The following VRK3 variants were observed in gnomAD, a reference collection of about 807,000 sequenced individuals.
VRK3 encodes the protein VRK serine/threonine kinase 3, also known as serine/threonine-protein kinase VRK3.
VRK3 carries 50 observed loss-of-function variants against 60.4 expected under a neutral mutation model. The ratio of observed to expected loss-of-function variants is 0.83; its 90% CI spans 0.66 to 1.05. The LOEUF (loss-of-function observed/expected upper bound fraction) is 1.05. Ranked by LOEUF, VRK3 falls within the 50% of genes least tolerant of loss-of-function variation. The pLI is 0.00. For missense variants in VRK3, 549 were observed against 585.3 expected (o/e 0.94, Z 0.64); for synonymous variants, 246 against 227.8 (o/e 1.08, Z -0.72).
intron 3 of VRK3, among the ~76,000 whole-genome samples, chr19:50,010,683 C>T (rs578243817): frequency 3.3e-5 from 5 of 152,256 alleles, no homozygotes; most frequent in East Asian, 3.9e-4. Flanking sequence ...GAGGCCAGGG[C>T]GGGTGGATCG....
At chr19:50,020,943 T>C (rs2077161708) in intron 1 of VRK3, among the ~76,000 whole-genome samples, 2 of 152,156 alleles carry the variant, frequency 1.3e-5, no homozygotes, top group African/African-American at 4.8e-5. Context: ...GAAAGGGCTA[T>C]GGAGGACAAT....
At chr19:49,977,919 C>T (rs1370162752) in intron 14 of VRK3, among the ~76,000 whole-genome samples, 2 of 152,186 alleles carry the variant, frequency 1.3e-5, no homozygotes, top group African/African-American at 2.4e-5. Context: ...CTCCACGAAT[C>T]GCTTGACACA....
chr19:49,995,322 C>T (rs1257358819), intron 7 of VRK3, 47 bp from the exon 8 acceptor site: 1 of 1,566,960 alleles, frequency 6.4e-7, no homozygotes. Context: ...AGTCCCAAGC[C>T]CATGGCAGTA....
chr19:49,979,220 C>G lies in VRK3; in HGVS notation c.1299G>C (p.Lys433Asn), dbSNP rs759508467. 1.9e-6 allele frequency: 3 copies of G among 1,614,132 alleles called. No homozygotes were observed. The Admixed American group carries it at 5.0e-5, about 27-fold the overall frequency. Residue 433 changes from lysine (K) to asparagine (N), a missense_variant, in exon 14 of 15, where the codon AAG becomes AAC. Physicochemically the swap from Lys to Asn is moderately conservative, Grantham distance 94. Transcript: ENST00000316763. ...RPSETLQKYL[K>N]VVMALTYEEK... ...CCTCATACGTGAGGGCCATCACCACCTTCAGGTACTTCTGCAGGGTCTCTG... is the reference window on the plus strand; with the variant it reads ...CCTCATACGTGAGGGCCATCACCACGTTCAGGTACTTCTGCAGGGTCTCTG...
rs528644253 is a variant in VRK3 at position 50,005,709 on chromosome 19, G to A, written c.547+1860C>T. ...GCAGCCATAAAAGGAGTGCGGCAGT[G>A]ACGCGCCACAGCATGGATGCACCTT... On this transcript the variant is annotated intron_variant, in intron 5 of 14. Coordinates refer to ENST00000316763, the MANE Select transcript of VRK3 (RefSeq NM_016440.4). Among the ~76,000 whole-genome samples, 115 of 149,940 alleles carry A rather than the reference G, an allele frequency of 7.7e-4. 2 individuals are homozygous for A. The highest frequency in any genetic ancestry group is 6.8e-3 in the Middle Eastern group (2 of 294).
intron 2 of VRK3, among the ~76,000 whole-genome samples, chr19:50,016,918 G>A (rs779667622): frequency 1.1e-4 from 16 of 152,144 alleles, no homozygotes; most frequent in Admixed American, 3.9e-4. Context: ...CGCCGGGTGC[G>A]GTGGCTCAAG....
chr19:50,017,248 T>C (rs2077093515), intron 2 of VRK3, among the ~76,000 whole-genome samples: 1 of 151,308 alleles, frequency 6.6e-6, no homozygotes, highest in Non-Finnish European at 1.5e-5. Flanking sequence ...TTTGTTCTTA[T>C]AGTCTCAGGC....
At chr19:49,977,961 T>C (rs2076358866) in intron 14 of VRK3, among the ~76,000 whole-genome samples, 1 of 152,058 alleles carries the variant, frequency 6.6e-6, no homozygotes, top group African/African-American at 2.4e-5. Flanking sequence ...GCCTCAGATG[T>C]AAGGAAACGT....
intron 10 of VRK3, among the ~76,000 whole-genome samples, chr19:49,992,455 T>C (rs2076627789): frequency 2.6e-5 from 4 of 152,356 alleles, no homozygotes; most frequent in South Asian, 2.1e-4. Flanking sequence ...GTGACTGTTA[T>C]TGCCTTCCAA....
In VRK3 at chr19:50,012,876, A is replaced by AAAAAAC. The variant is rs1332293566; in HGVS notation, c.139+3142_139+3147dup. Among the ~76,000 whole-genome samples the AAAAAAC allele has an allele frequency of 5.9e-5, 9 of 151,660 alleles. No homozygotes were observed. In the South Asian group the frequency reaches 1.7e-3, roughly 28 times the overall value. ...GGCGACAGAGCAAGACTCTGTCTTAAAAAAACAAAGGCCGGGCGCAGTGGC... is the reference window on the plus strand; with the variant it reads ...GGCGACAGAGCAAGACTCTGTCTTAAAAAAACAAAAACAAAGGCCGGGCGCAGTGGC... On this transcript the variant is annotated intron_variant, in intron 3 of 14. Transcript: ENST00000316763.
Position 49,984,774 on chromosome 19 carries a change from G to A in VRK3, c.1217+3598C>T, listed in dbSNP as rs148239267. ...AGCCTCCTGAGTAGCTGGGACTACA[G>A]TCGCGTGCCACCACACCCGGCTACT... On this transcript the variant is annotated intron_variant, in intron 12 of 14. Coordinates refer to ENST00000316763, the MANE Select transcript of VRK3 (RefSeq NM_016440.4). Among the ~76,000 whole-genome samples, 216 of 152,192 alleles carry A rather than the reference G, an allele frequency of 1.4e-3. No individual in the cohort carries two copies. The Middle Eastern group carries it at 0.051, about 36-fold the overall frequency.
intron 1 of VRK3, among the ~76,000 whole-genome samples, chr19:50,020,901 T>C (rs1341036313): frequency 6.6e-6 from 1 of 151,928 alleles, no homozygotes; most frequent in Non-Finnish European, 1.5e-5. Context: ...AACAAACAAA[T>C]GAGCAAGGAA....
At chr19:50,017,119 G>C (rs1244539128) in intron 2 of VRK3, among the ~76,000 whole-genome samples, 5 of 152,116 alleles carry the variant, frequency 3.3e-5, no homozygotes, top group Middle Eastern at 3.4e-3. Flanking sequence ...GCTTGAACCC[G>C]GGAGGTGGAG....
At chr19:50,023,686 G>A (rs1368010949) in intron 1 of VRK3, among the ~76,000 whole-genome samples, 2 of 151,946 alleles carry the variant, frequency 1.3e-5, no homozygotes, top group South Asian at 2.1e-4. Context: ...TACGTCTGCT[G>A]AGTGAATAAA....
At chr19:50,001,559 A>ACC (rs1164066944) in intron 5 of VRK3, 4 of 151,678 alleles carry the variant, frequency 2.6e-5, no homozygotes, top group Admixed American at 1.3e-4. Context: ...CCTGCTCCTT[A>ACC]CCCCCTCCTT....
intron 1 of VRK3, among the ~76,000 whole-genome samples, chr19:50,022,233 G>C (rs1439264433): frequency 6.6e-6 from 1 of 152,180 alleles, no homozygotes; most frequent in Non-Finnish European, 1.5e-5. Context: ...CAGCAGGTCA[G>C]AACATTCTTG....
In VRK3 at chr19:50,006,316, A is replaced by G. The variant is rs977581727; in HGVS notation, c.547+1253T>C. Reference sequence around the variant, plus strand: ...CAGAGCAAGACTCTCTCTCAAAAAAATAAAAAATAATAAATAATAATAATA... The same window carrying G: ...CAGAGCAAGACTCTCTCTCAAAAAAGTAAAAAATAATAAATAATAATAATA... On this transcript the variant is annotated intron_variant, in intron 5 of 14. Transcript: ENST00000316763. 4.0e-5 allele frequency among the ~76,000 whole-genome samples: 6 copies of G among 150,442 alleles called. 1 individual carries two copies. Among genetic ancestry groups the G allele is most frequent in the Admixed American group, 2.6e-4 (4 of 15,228 alleles).
At chr19:50,001,891 G>A (rs977820134) in intron 5 of VRK3, among the ~76,000 whole-genome samples, 2 of 152,120 alleles carry the variant, frequency 1.3e-5, no homozygotes, top group South Asian at 2.1e-4. Flanking sequence ...AGGCTGGCAG[G>A]AGTAAGAGCA....
chr19:49,981,648 T>A lies in VRK3; in HGVS notation c.1218-635A>T, dbSNP rs542616851. ...TTGATTCATTAGCATTGAACTCTTT[T>A]AATCTGTGATCCTTAAGACGGAGAG... On this transcript the variant is annotated intron_variant, in intron 12 of 14. Coordinates refer to ENST00000316763, the MANE Select transcript of VRK3 (RefSeq NM_016440.4). 5 of 953,090 alleles carry A rather than the reference T, an allele frequency of 5.2e-6. No individual in the cohort carries two copies. The African/African-American group carries it at 7.1e-5, about 13-fold the overall frequency. The allele number at this position is 953,090 out of a possible 1,614,324, so 59.0% of individuals were successfully genotyped here.
Sources: allele counts gnomAD v4.1 joint callset (sites outside exome capture counted in the v4.1 genomes callset), GRCh38; gene constraint gnomAD v4.1.1; transcripts MANE v1.5; gene names NCBI Gene and HGNC (gene_info 2026-07-23, HGNC 2026-07-21).